TYW1: variants seen among roughly 807,000 people sequenced by gnomAD.
TYW1 encodes the protein S-adenosyl-L-methionine-dependent tRNA 4-demethylwyosine synthase TYW1.
In TYW1, 46 loss-of-function variants were observed where a neutral mutation model predicts 96.2. That is an observed-to-expected ratio of 0.48 (90% CI 0.38 to 0.61). The LOEUF (loss-of-function observed/expected upper bound fraction) is 0.61, where lower values mean the gene tolerates loss of function less well. Among genes scored for constraint, TYW1 ranks in the 20% least tolerant of loss-of-function variants. TYW1 has a pLI of 0.00. For missense variants in TYW1, 684 were observed against 909.6 expected (o/e 0.75, Z 3.19); for synonymous variants, 274 against 323.0 (o/e 0.85, Z 1.63).
At chr7:67,016,036 A>G (rs1045251097) in intron 5 of TYW1, among the ~76,000 whole-genome samples, 1 of 151,958 alleles carries the variant, frequency 6.6e-6, no homozygotes, top group African/African-American at 2.4e-5. Flanking sequence ...ACATAATAAA[A>G]CATTAAATTT....
Position 66,997,614 on chromosome 7 carries a change from T to G in TYW1, c.5-451T>G, listed in dbSNP as rs548671940. On this transcript the variant is annotated intron_variant, in intron 1 of 15. Transcript: ENST00000359626. ...TTACGTTACTACATAGTGTGTTATT[T>G]TTATTACAGTTGTTCCCCACCCCCC... is the stretch of plus-strand genomic sequence containing the variant. Among the ~76,000 whole-genome samples, 113 of 152,208 alleles carry G rather than the reference T, an allele frequency of 7.4e-4. 2 individuals are homozygous for G. In the South Asian group the frequency reaches 0.023, roughly 31 times the overall value.
At chr7:67,123,590 A>C (rs1451722350) in intron 13 of TYW1, among the ~76,000 whole-genome samples, 1 of 152,208 alleles carries the variant, frequency 6.6e-6, no homozygotes, top group Non-Finnish European at 1.5e-5. Flanking sequence ...TGGGGAAGGA[A>C]TACCAGGTGT....
intron 13 of TYW1, among the ~76,000 whole-genome samples, chr7:67,138,216 C>G (rs540309989): frequency 6.6e-6 from 1 of 152,104 alleles, no homozygotes; most frequent in East Asian, 1.9e-4. Context: ...ACTGGTAGTC[C>G]TCCTGGTTTC....
At chr7:67,134,945 CAAAAAAAAAAA>C (rs55746054) in intron 13 of TYW1, among the ~76,000 whole-genome samples, 3 of 66,342 alleles carry the variant, frequency 4.5e-5, no homozygotes, top group Non-Finnish European at 8.4e-5. Flanking sequence ...CTTTCTCTAC[CAAAAAAAAAAA>C]AAAAAAAAAA....
At chr7:67,052,530 AC>A (rs1412840428) in intron 8 of TYW1, among the ~76,000 whole-genome samples, 2 of 151,872 alleles carry the variant, frequency 1.3e-5, no homozygotes, top group African/African-American at 4.8e-5. Flanking sequence ...CACATCTATT[AC>A]CTTTTTGAGC....
At chr7:67,138,311 TA>T (rs1798333354) in intron 13 of TYW1, among the ~76,000 whole-genome samples, 1 of 151,952 alleles carries the variant, frequency 6.6e-6, no homozygotes. Flanking sequence ...AGGAGGGTTC[TA>T]AAAAGAGTTT....
chr7:67,190,668 C>T (rs1204088952), intron 14 of TYW1, among the ~76,000 whole-genome samples: 3 of 152,152 alleles, frequency 2.0e-5, no homozygotes, highest in South Asian at 2.1e-4. Flanking sequence ...GCGCAAGCTA[C>T]GGAGGCAGGT....
At chr7:67,072,356 C>T (rs1191253441) in intron 10 of TYW1, among the ~76,000 whole-genome samples, 1 of 151,682 alleles carries the variant, frequency 6.6e-6, no homozygotes, top group African/African-American at 2.4e-5. Flanking sequence ...ACACCATTCT[C>T]CTGCCTCAGC....
chr7:67,102,228 T>G lies in TYW1; in HGVS notation c.1562+3510T>G, dbSNP rs192067802. 2.1e-3 allele frequency among the ~76,000 whole-genome samples: 325 copies of G among 152,350 alleles called. 2 individuals carry two copies. The highest frequency in any genetic ancestry group is 7.5e-3 in the African/African-American group (311 of 41,578). ...ATGGAATTGTCTGTGAATGCCATCA[T>G]GGATTGAGGAAAATTATAGAGTATG... On this transcript the variant is annotated intron_variant, in intron 12 of 15. Coordinates refer to ENST00000359626, the MANE Select transcript of TYW1 (RefSeq NM_018264.4).
At chr7:67,127,246 C>T (rs1434710388) in intron 13 of TYW1, among the ~76,000 whole-genome samples, 1 of 151,528 alleles carries the variant, frequency 6.6e-6, no homozygotes, top group Non-Finnish European at 1.5e-5. Context: ...GCAACCTCCA[C>T]CTCCCAGGTT....
rs551894426 is a variant in TYW1 at position 67,091,569 on chromosome 7, TAAA to T, written c.1385-6968_1385-6966del. On this transcript the variant is annotated intron_variant, in intron 11 of 15. Coordinates refer to ENST00000359626, the MANE Select transcript of TYW1 (RefSeq NM_018264.4). ...CCTAGAACTTAAAGTATAATAATAA[TAAA>T]AAAGAAATTTAGAGGCTGTTTCAAT... Among the ~76,000 whole-genome samples, 301 of 152,186 alleles carry T rather than the reference TAAA, an allele frequency of 2.0e-3. 1 individual carries two copies. The highest frequency in any genetic ancestry group is 3.4e-3 in the Non-Finnish European group (234 of 67,996).
intron 15 of TYW1, among the ~76,000 whole-genome samples, chr7:67,231,471 C>G (rs1584724643): frequency 6.6e-6 from 1 of 152,210 alleles, no homozygotes; most frequent in Non-Finnish European, 1.5e-5. Context: ...TAGGAGATTC[C>G]TAAGAAACTG....
intron 7 of TYW1, among the ~76,000 whole-genome samples, chr7:67,029,683 A>G (rs1281348542): frequency 6.6e-6 from 1 of 151,876 alleles, no homozygotes; most frequent in Non-Finnish European, 1.5e-5. Context: ...ACTATAGTTA[A>G]GATTGCAGGT....
At chr7:67,027,618 A>G (rs1233914588) in intron 7 of TYW1, among the ~76,000 whole-genome samples, 1 of 152,176 alleles carries the variant, frequency 6.6e-6, no homozygotes, top group Non-Finnish European at 1.5e-5. Context: ...TCTTTTTACT[A>G]TGCAATGAAC....
In TYW1 at chr7:67,067,410, A is replaced by T. The variant is rs765706986; in HGVS notation, c.1274+7A>T. ...AATGTGTCTTCTGTTGGCGGTAAGT[A>T]AAAATGAAAGGTCATGGTGATCGAA... On this transcript the variant is annotated splice_region_variant and intron_variant, in intron 10 of 15. Coordinates refer to ENST00000359626, the MANE Select transcript of TYW1 (RefSeq NM_018264.4). The T allele has an allele frequency of 5.0e-6, 8 of 1,613,852 alleles. No individual in the cohort carries two copies. The highest frequency in any genetic ancestry group is 6.8e-6 in the Non-Finnish European group (8 of 1,179,850).
chr7:67,122,067 G>A (rs1295470816), intron 13 of TYW1, among the ~76,000 whole-genome samples: 1 of 151,632 alleles, frequency 6.6e-6, no homozygotes, highest in Admixed American at 6.6e-5. Context: ...ACTTTTATCA[G>A]CAATGTGACC....
chr7:67,067,474 A>T, intron 10 of TYW1, 71 bp downstream of exon 10: 2 of 1,533,090 alleles, frequency 1.3e-6, no homozygotes, highest in Non-Finnish European at 1.8e-6. Context: ...CCCAGCTCAC[A>T]CTCAGACTTA....
chr7:67,094,066 T>G (rs1218867250), intron 11 of TYW1, among the ~76,000 whole-genome samples: 2 of 152,140 alleles, frequency 1.3e-5, no homozygotes, highest in South Asian at 2.1e-4. Context: ...TACCCATTGG[T>G]TAGTTCCCAC....
chr7:67,184,657 TGTTATG>T (rs1799960618), intron 14 of TYW1, among the ~76,000 whole-genome samples: 96 of 49,400 alleles, frequency 1.9e-3, no homozygotes, highest in African/African-American at 1.8e-3. Context: ...ATTTATGTTA[TGTTATG>T]TTATGTTATG....
Sources: allele counts gnomAD v4.1 joint callset (sites outside exome capture counted in the v4.1 genomes callset), GRCh38; gene constraint gnomAD v4.1.1; transcripts MANE v1.5; gene names NCBI Gene and HGNC (gene_info 2026-07-23, HGNC 2026-07-21).